CWC27: variants seen among roughly 807,000 people sequenced by gnomAD.
The protein encoded by CWC27 is CWC27 spliceosome associated cyclophilin.
In CWC27, 47 loss-of-function variants were observed where a neutral mutation model predicts 63.6. The ratio of observed to expected loss-of-function variants is 0.74; its 90% confidence interval spans 0.58 to 0.94. The LOEUF is 0.94. Among genes scored for constraint, CWC27 ranks in the 40% least tolerant of loss-of-function variants. The pLI, the probability that CWC27 is intolerant of heterozygous loss-of-function variation, is 0.00. For synonymous variants in CWC27, 175 were observed against 179.8 expected (o/e 0.97, Z 0.22); for missense variants, 495 against 554.3 (o/e 0.89, Z 1.07).
intron 10 of CWC27, among the ~76,000 whole-genome samples, chr5:64,865,139 TGGG>T (rs975382032): frequency 1.0e-4 from 15 of 149,306 alleles, no homozygotes; most frequent in African/African-American, 3.4e-4. Flanking sequence ...AAAAAAAACT[TGGG>T]GTAACAGCAA....
In CWC27 at chr5:64,878,470, T is replaced by TAAAAAAA. The variant is rs397998002; in HGVS notation, c.939-6949_939-6943dup. ...GTCAGCACTGTCCTGGGTTACAGAT[T>TAAAAAAA]AAAAAAAAAAAAAAAAAAAAAAAAA... On this transcript the variant is annotated intron_variant, in intron 10 of 13. Transcript: ENST00000381070. 4.6e-3 allele frequency among the ~76,000 whole-genome samples: 123 copies of TAAAAAAA among 26,934 alleles called. 21 individuals carry two copies. Among genetic ancestry groups the TAAAAAAA allele is most frequent in the African/African-American group, 0.01 (83 of 8,184 alleles). 17.7% of individuals were successfully genotyped at this position (26,934 alleles called of 152,430 possible).
At chr5:64,828,430 A>AT (rs368735497) in intron 10 of CWC27, among the ~76,000 whole-genome samples, 2,531 of 150,346 alleles carry the variant, frequency 0.017, 68 homozygotes, top group African/African-American at 0.059. Context: ...AAATAACTGA[A>AT]TTTTTTTTTT....
Position 64,786,505 on chromosome 5 carries a change from G to A in CWC27, c.496-19G>A, listed in dbSNP as rs773933685. 49 of 1,426,754 alleles carry A rather than the reference G, an allele frequency of 3.4e-5. No individual in the cohort carries two copies. The highest frequency in any genetic ancestry group is 9.7e-5 in the East Asian group (4 of 41,450). The allele number at this position is 1,426,754 out of a possible 1,614,324, so 88.4% of individuals were successfully genotyped here. A position where few individuals can be genotyped will look rare whatever the true frequency, so the allele number is the denominator to read the frequency against. On this transcript the variant is annotated intron_variant, in intron 5 of 13. Transcript: ENST00000381070. Reference sequence around the variant, plus strand: ...ATGTTAAAAATGGAATAATGTTTTCGAAATATTTTTTTTCATAGGTTTTGT... The same window carrying A: ...ATGTTAAAAATGGAATAATGTTTTCAAAATATTTTTTTTCATAGGTTTTGT...
At chr5:64,851,279 T>C (rs1746127836) in intron 10 of CWC27, among the ~76,000 whole-genome samples, 1 of 152,150 alleles carries the variant, frequency 6.6e-6, no homozygotes, top group Admixed American at 6.5e-5. Flanking sequence ...AACATTATGC[T>C]AAGTGAAGTA....
At chr5:65,011,347 A>T (rs1471187362) in intron 13 of CWC27, among the ~76,000 whole-genome samples, 1 of 152,168 alleles carries the variant, frequency 6.6e-6, no homozygotes, top group East Asian at 1.9e-4. Flanking sequence ...TCTCTGCAAG[A>T]CCAGAAGAGG....
chr5:64,890,119 C>T (rs184177311), intron 11 of CWC27, among the ~76,000 whole-genome samples: 47 of 152,296 alleles, frequency 3.1e-4, no homozygotes, highest in Middle Eastern at 3.4e-3. Context: ...GTTAGGTCCT[C>T]TTTCAAAGTT....
At chr5:64,903,306 T>C (rs1747548071) in intron 11 of CWC27, among the ~76,000 whole-genome samples, 1 of 151,982 alleles carries the variant, frequency 6.6e-6, no homozygotes, top group Admixed American at 6.6e-5. Context: ...CTGGATAAAG[T>C]AAATGTGGCA....
chr5:65,005,513 T>G (rs983397567), intron 13 of CWC27, among the ~76,000 whole-genome samples: 61 of 151,966 alleles, frequency 4.0e-4, no homozygotes, highest in African/African-American at 1.4e-3. Context: ...GCAGGGCAGG[T>G]CAGTCCCCAG....
intron 12 of CWC27, among the ~76,000 whole-genome samples, chr5:64,975,549 T>C (rs1192317146): frequency 6.6e-6 from 1 of 152,110 alleles, no homozygotes; most frequent in East Asian, 1.9e-4. Flanking sequence ...TCTGCTCAAA[T>C]TCTGGAGTAG....
intron 10 of CWC27, among the ~76,000 whole-genome samples, chr5:64,860,108 C>T (rs1056238185): frequency 1.3e-5 from 2 of 152,124 alleles, no homozygotes; most frequent in Non-Finnish European, 2.9e-5. Flanking sequence ...AAAATTCCAG[C>T]CCTGGAGTTT....
At chr5:64,873,699 A>G (rs1243818456) in intron 10 of CWC27, among the ~76,000 whole-genome samples, 4 of 151,934 alleles carry the variant, frequency 2.6e-5, no homozygotes, top group Non-Finnish European at 4.4e-5. Flanking sequence ...CCATTTGTCT[A>G]TTTTTGTTTT....
intron 10 of CWC27, among the ~76,000 whole-genome samples, chr5:64,884,995 G>A (rs931304098): frequency 6.6e-5 from 10 of 152,114 alleles, no homozygotes; most frequent in African/African-American, 9.7e-5. Context: ...GACACCTACC[G>A]TGTAATAATT....
chr5:64,975,879 A>T (rs1303561406), intron 12 of CWC27, among the ~76,000 whole-genome samples: 1 of 152,146 alleles, frequency 6.6e-6, no homozygotes, highest in Non-Finnish European at 1.5e-5. Flanking sequence ...GGCCTGGCCA[A>T]TATAATGAAA....
chr5:64,840,710 G>C (rs1184988463), intron 10 of CWC27, among the ~76,000 whole-genome samples: 1 of 151,976 alleles, frequency 6.6e-6, no homozygotes, highest in Non-Finnish European at 1.5e-5. Context: ...CAGCATGGAA[G>C]GGGCATGATC....
At chr5:64,871,723 C>T (rs10050395) in intron 10 of CWC27, among the ~76,000 whole-genome samples, 20,648 of 151,976 alleles carry the variant, frequency 0.14, 1,895 homozygotes, top group East Asian at 0.34. Flanking sequence ...CAGGGACTTC[C>T]AGGCAAGCAA....
intron 7 of CWC27, among the ~76,000 whole-genome samples, chr5:64,792,991 A>G (rs1341131209): frequency 2.0e-5 from 3 of 152,194 alleles, no homozygotes; most frequent in South Asian, 2.1e-4. Flanking sequence ...CTTAAAATAT[A>G]CTATACATTA....
intron 11 of CWC27, among the ~76,000 whole-genome samples, chr5:64,916,355 G>C (rs887973166): frequency 8.5e-5 from 13 of 152,174 alleles, no homozygotes; most frequent in Non-Finnish European, 1.5e-5. Flanking sequence ...ACCTAGGTTT[G>C]AGTCAACTTT....
intron 13 of CWC27, among the ~76,000 whole-genome samples, chr5:64,992,776 A>G (rs947200996): frequency 6.7e-6 from 1 of 149,544 alleles, no homozygotes; most frequent in Non-Finnish European, 1.5e-5. Context: ...CTCATGATCC[A>G]CCTGCCTCAG....
intron 11 of CWC27, among the ~76,000 whole-genome samples, chr5:64,961,246 T>C (rs1748903180): frequency 6.6e-6 from 1 of 152,196 alleles, no homozygotes; most frequent in Non-Finnish European, 1.5e-5. Context: ...ATAACTCACA[T>C]GAGACACTAG....
Sources: allele counts gnomAD v4.1 joint callset (sites outside exome capture counted in the v4.1 genomes callset), GRCh38; gene constraint gnomAD v4.1.1; transcripts MANE v1.5; gene names NCBI Gene and HGNC (gene_info 2026-07-23, HGNC 2026-07-21).